SEM1: variants seen among roughly 807,000 people sequenced by gnomAD.
SEM1 encodes the protein 26S proteasome complex subunit SEM1.
A neutral mutation model predicts 12.7 loss-of-function variants in SEM1; 3 were observed. That is an observed-to-expected ratio of 0.24 (90% CI 0.11 to 0.61). SEM1 has a LOEUF of 0.61. SEM1 is among the 20% of genes least tolerant of loss of function. The pLI is 0.88. For missense variants in SEM1, 59 were observed against 81.3 expected (o/e 0.73, Z 1.06); for synonymous variants, 30 against 27.8 (o/e 1.08, Z -0.25).
intron 2 of SEM1, among the ~76,000 whole-genome samples, chr7:96,553,437 T>C (rs377415409): frequency 1.3e-5 from 2 of 149,212 alleles, no homozygotes; most frequent in Middle Eastern, 7.1e-3. Context: ...CCCAGCACCA[T>C]TTATTAAATA....
intron 2 of SEM1, among the ~76,000 whole-genome samples, chr7:96,626,418 A>G (rs1563088381): frequency 6.6e-6 from 1 of 152,060 alleles, no homozygotes; most frequent in South Asian, 2.1e-4. Context: ...TTCTTTATTG[A>G]TTCATCTGTT....
At position 96,631,502 on chromosome 7, in the gene SEM1, G is replaced by T. The variant is rs1808260175; in HGVS notation, c.171-8859C>A. 2.0e-5 allele frequency among the ~76,000 whole-genome samples: 3 copies of T among 149,184 alleles called. No individual in the cohort carries two copies. In the Admixed American group the frequency reaches 2.0e-4, roughly 10 times the overall value. ...ACTGCTGTCACAGGATGAGGGAGGG[G>T]TGGTGTCGGTGATTCAAGACTGTTT... On this transcript the variant is annotated intron_variant, in intron 2 of 2. Coordinates refer to the SEM1 transcript ENST00000417009.
At chr7:96,484,004 A>C (rs1346859559) in intron 3 of SEM1, 3 of 1,483,810 alleles carry the variant, frequency 2.0e-6, no homozygotes, top group Non-Finnish European at 2.7e-6. Context: ...AAGAAGAATG[A>C]TAAATGCTGT....
intron 2 of SEM1, among the ~76,000 whole-genome samples, chr7:96,615,238 C>CTTTTTTTTTT (rs1807672872): frequency 3.3e-5 from 1 of 30,468 alleles, no homozygotes; most frequent in African/African-American, 8.6e-5. Context: ...TTTTTTGAGT[C>CTTTTTTTTTT]ATCTTTTTTT....
chr7:96,665,507 CT>C (rs1330702608), intron 2 of SEM1, among the ~76,000 whole-genome samples: 1 of 152,138 alleles, frequency 6.6e-6, no homozygotes, highest in African/African-American at 2.4e-5. Flanking sequence ...AGTTAGTTCT[CT>C]ATTTATAAAT....
chr7:96,593,686 A>G (rs1584793077), intron 2 of SEM1, among the ~76,000 whole-genome samples: 1 of 152,378 alleles, frequency 6.6e-6, no homozygotes, highest in African/African-American at 2.4e-5. Context: ...CAAAGACTAA[A>G]GAAATCCAAT....
At chr7:96,621,691 C>T (rs1477496237), downstream of SEM1, 1 of 152,178 alleles carries the variant, frequency 6.6e-6, no homozygotes, top group Non-Finnish European at 1.5e-5. Context: ...TTACCGAATA[C>T]ATACATTATT....
At chr7:96,699,191 C>T (rs530447448) in intron 1 of SEM1, among the ~76,000 whole-genome samples, 2 of 152,248 alleles carry the variant, frequency 1.3e-5, no homozygotes, top group Admixed American at 1.3e-4. Context: ...TTATTCTCAA[C>T]ACCCCATATC....
chr7:96,688,219 A>C (rs1028500719), downstream of SEM1: 2 of 152,134 alleles, frequency 1.3e-5, no homozygotes, highest in African/African-American at 4.8e-5. Flanking sequence ...AGTTGTACTA[A>C]ATGAGCCTGC....
At chr7:96,496,705 G>A (rs1803282867), upstream of SEM1, among the ~76,000 whole-genome samples, 1 of 152,098 alleles carries the variant, frequency 6.6e-6, no homozygotes, top group Admixed American at 6.5e-5. Context: ...TGTGAATCTA[G>A]CAGGTGTTTC....
At chr7:96,565,376 T>C (rs1805815412) in intron 2 of SEM1, among the ~76,000 whole-genome samples, 1 of 151,928 alleles carries the variant, frequency 6.6e-6, no homozygotes, top group Admixed American at 6.6e-5. Flanking sequence ...TATTGCACTA[T>C]AAGTTGTAAT....
intron 2 of SEM1, among the ~76,000 whole-genome samples, chr7:96,521,268 G>A (rs1804260201): frequency 6.6e-6 from 1 of 152,086 alleles, no homozygotes; most frequent in Admixed American, 6.6e-5. Flanking sequence ...GTGTGTGAAA[G>A]GATGTAGGTT....
At chr7:96,485,470 T>C (rs1450179802) in intron 2 of SEM1, among the ~76,000 whole-genome samples, 1 of 150,540 alleles carries the variant, frequency 6.6e-6, no homozygotes, top group Non-Finnish European at 1.5e-5. Context: ...CCTCCATTTA[T>C]AAAGGCCCTT....
At chr7:96,687,532 G>A (rs1319050032), downstream of SEM1, among the ~76,000 whole-genome samples, 1 of 150,944 alleles carries the variant, frequency 6.6e-6, no homozygotes, top group Non-Finnish European at 1.5e-5. Context: ...CTATCGCAAG[G>A]ACAAAAAACC....
chr7:96,525,891 G>A (rs991677036), intron 2 of SEM1, among the ~76,000 whole-genome samples: 16 of 152,054 alleles, frequency 1.1e-4, no homozygotes, highest in African/African-American at 2.9e-4. Flanking sequence ...GTTTCATCCC[G>A]AAACCATCCC....
chr7:96,572,869 A>G (rs900753835), intron 2 of SEM1, among the ~76,000 whole-genome samples: 4 of 152,104 alleles, frequency 2.6e-5, no homozygotes, highest in Non-Finnish European at 4.4e-5. Flanking sequence ...TCTGTCTAAT[A>G]TTGACAGTAG....
At chr7:96,607,539 T>C (rs1004848945) in intron 2 of SEM1, among the ~76,000 whole-genome samples, 60 of 152,202 alleles carry the variant, frequency 3.9e-4, no homozygotes, top group African/African-American at 1.4e-3. Context: ...AAGAAGAAGT[T>C]CTAGTGCTTA....
intron 2 of SEM1, among the ~76,000 whole-genome samples, chr7:96,694,263 AATAGAGATG>A (rs1252403985): frequency 6.6e-6 from 1 of 151,990 alleles, no homozygotes; most frequent in Non-Finnish European, 1.5e-5. Flanking sequence ...ACTGGAACTA[AATAGAGATG>A]ATGGTTGCAC....
intron 2 of SEM1, among the ~76,000 whole-genome samples, chr7:96,677,719 A>C (rs1276252878): frequency 6.6e-6 from 1 of 152,060 alleles, no homozygotes; most frequent in East Asian, 1.9e-4. Context: ...TTAAGATAGA[A>C]AGTCCTCAAT....
Sources: allele counts gnomAD v4.1 joint callset (sites outside exome capture counted in the v4.1 genomes callset), GRCh38; gene constraint gnomAD v4.1.1; transcripts MANE v1.5; gene names NCBI Gene and HGNC (gene_info 2026-07-23, HGNC 2026-07-21).